Variants in GP6 observed in about 807,000 individuals in gnomAD.
The protein encoded by GP6 is glycoprotein VI platelet, also known as platelet glycoprotein VI.
In GP6, 45 loss-of-function variants were observed where a neutral mutation model predicts 37.3. That is an observed-to-expected ratio of 1.21 (90% CI 0.95 to 1.55). The LOEUF (loss-of-function observed/expected upper bound fraction) is 1.55, where lower values mean the gene tolerates loss of function less well. Among genes scored for constraint, GP6 ranks in the 40% most tolerant of loss-of-function variants. The pLI, the probability that GP6 is intolerant of heterozygous loss-of-function variation, is 0.00. For synonymous variants in GP6, 340 were observed against 316.4 expected, an observed-to-expected ratio of 1.07 and a Z score of -0.79; for missense variants, 813 against 760.2, an observed-to-expected ratio of 1.07 and a Z score of -0.82.
In GP6 at chr19:55,024,291, T is replaced by TGCACGCACACACAC. The variant is rs879694712; in HGVS notation, c.664+926_664+927insGTGTGTGTGCGTGC. ...ATGCACGCATGCACACACACACATATGCACGCATGCACACACATATGCACG... is the reference window on the plus strand; with the variant it reads ...ATGCACGCATGCACACACACACATATGCACGCACACACACGCACGCATGCACACACATATGCACG... On this transcript the variant is annotated intron_variant, in intron 5 of 7. Transcript: ENST00000310373. Among the ~76,000 whole-genome samples, 1,129 of 113,290 alleles carry TGCACGCACACACAC rather than the reference T, an allele frequency of 1.0e-2. 40 individuals carry two copies. The highest frequency in any genetic ancestry group is 0.013 in the African/African-American group (425 of 33,178). 74.3% of individuals were successfully genotyped at this position (113,290 alleles called of 152,430 possible).
intron 5 of GP6, among the ~76,000 whole-genome samples, chr19:55,020,536 C>G (rs1291666727): frequency 6.6e-6 from 1 of 152,136 alleles, no homozygotes; most frequent in Non-Finnish European, 1.5e-5. Context: ...CATGTCCCTG[C>G]AAAGGACATG....
intron 5 of GP6, among the ~76,000 whole-genome samples, chr19:55,020,642 C>G (rs2074044365): frequency 6.6e-6 from 1 of 152,074 alleles, no homozygotes; most frequent in Non-Finnish European, 1.5e-5. Context: ...TGGGTTGATT[C>G]CTTGTCTTTG....
chr19:55,018,823 C>T (rs1452259035), intron 5 of GP6, 112 bp from the exon 6 acceptor site: 1 of 781,642 alleles, frequency 1.3e-6, no homozygotes, highest in Admixed American at 1.9e-5. Context: ...CTCTGACACA[C>T]TGCACAGACA....
At chr19:55,028,987 C>G (rs2074412131) in intron 3 of GP6, among the ~76,000 whole-genome samples, 1 of 149,496 alleles carries the variant, frequency 6.7e-6, no homozygotes, top group Non-Finnish European at 1.5e-5. Flanking sequence ...AGAGTGAGAC[C>G]TTGTCTCAAA....
At chr19:55,035,437 C>T (rs758858671) in intron 1 of GP6, among the ~76,000 whole-genome samples, 9 of 152,106 alleles carry the variant, frequency 5.9e-5, no homozygotes, top group South Asian at 4.2e-4. Context: ...ATGTTCTCAC[C>T]GGCCGGGCGC....
Position 55,025,325 on chromosome 19 carries a change from C to CA in GP6, c.611-55dup. 3 of 1,124,194 alleles carry CA rather than the reference C, an allele frequency of 2.7e-6. No homozygotes were observed. In the South Asian group the frequency reaches 4.0e-5, roughly 15 times the overall value. The allele number at this position is 1,124,194 out of a possible 1,614,324, so 69.6% of individuals were successfully genotyped here. ...GTGCTCTGTCGCTGTGGGTCCTGAA[C>CA]AAATAACGAAACATCTCCGTGACTG... On this transcript the variant is annotated intron_variant, in intron 4 of 7. Transcript: ENST00000310373.
chr19:55,037,104 C>T (rs542641011), intron 1 of GP6, among the ~76,000 whole-genome samples: 144 of 152,294 alleles, frequency 9.5e-4, no homozygotes, highest in African/African-American at 3.1e-3. Context: ...CTCTCATCTC[C>T]AGTAATGCAA....
At position 55,014,973 on chromosome 19, in the gene GP6, C is replaced by G; in HGVS notation, c.972G>C (p.Arg324=). 1 of 1,613,692 alleles carries G rather than the reference C, an allele frequency of 6.2e-7. No individual in the cohort carries two copies. Among genetic ancestry groups the G allele is most frequent in the Admixed American group, 1.7e-5 (1 of 60,008 alleles). ...ATCCTGTCGGCCTCCATCCTGACCCCCGTTTGATTTCCGGGTCAGCGGGAG... is the reference window on the plus strand; with the variant it reads ...ATCCTGTCGGCCTCCATCCTGACCCGCGTTTGATTTCCGGGTCAGCGGGAG... The change falls in exon 8 of 8, where the codon CGG becomes CGC. Residue 324 remains arginine (R), a synonymous_variant. Transcript: ENST00000310373.
Position 55,027,585 on chromosome 19 carries a change from C to CA in GP6, c.602dup (p.Val202GlyfsTer28). 3 of 1,613,160 alleles carry CA rather than the reference C, an allele frequency of 1.9e-6. No individual in the cohort carries two copies. The highest frequency in any genetic ancestry group is 1.3e-5 in the African/African-American group (1 of 75,048). ...GGTCTGCACTACCCCTACCTGTGACCACAAGCTCCAGGGGGTCGCTGGGGG... is the reference window on the plus strand; with the variant it reads ...GGTCTGCACTACCCCTACCTGTGACCAACAAGCTCCAGGGGGTCGCTGGGGG... On this transcript the variant is annotated frameshift_variant, in exon 4 of 8. Transcript: ENST00000310373. LOFTEE classifies it high-confidence loss of function.
intron 5 of GP6, among the ~76,000 whole-genome samples, chr19:55,019,716 C>T (rs1471068833): frequency 4.7e-4 from 62 of 131,944 alleles, no homozygotes; most frequent in African/African-American, 1.6e-3. Flanking sequence ...CTTACTCTGT[C>T]GTCCAGGCTG....
chr19:55,026,417 G>C (rs2074303840), intron 4 of GP6, among the ~76,000 whole-genome samples: 2 of 146,536 alleles, frequency 1.4e-5, no homozygotes, highest in Admixed American at 1.4e-4. Flanking sequence ...TACCTCCTTT[G>C]ACTAGAATCA....
chr19:55,019,432 T>C (rs1323556980), intron 5 of GP6, among the ~76,000 whole-genome samples: 1 of 152,188 alleles, frequency 6.6e-6, no homozygotes, highest in East Asian at 1.9e-4. Flanking sequence ...TGCACCATTT[T>C]ATATTCCCAC....
intron 3 of GP6, among the ~76,000 whole-genome samples, chr19:55,030,351 T>TC (rs201375833): frequency 8.8e-5 from 10 of 113,358 alleles, no homozygotes; most frequent in African/African-American, 3.3e-4. Flanking sequence ...CCTCTTCTCT[T>TC]TTTTTTTTTT....
intron 5 of GP6, among the ~76,000 whole-genome samples, chr19:55,024,518 G>T (rs972885310): frequency 6.6e-6 from 1 of 152,172 alleles, no homozygotes; most frequent in Non-Finnish European, 1.5e-5. Context: ...GAGACACAGG[G>T]AATGTTAGAC....
intron 5 of GP6, among the ~76,000 whole-genome samples, chr19:55,024,327 T>TGCACGCACACACA (rs1568613211): frequency 3.3e-5 from 1 of 30,218 alleles, no homozygotes; most frequent in Non-Finnish European, 1.0e-4. Context: ...CACACACACA[T>TGCACGCACACACA]ATGCACGCAC....
intron 3 of GP6, among the ~76,000 whole-genome samples, chr19:55,031,313 G>C (rs1228828966): frequency 6.6e-6 from 1 of 152,200 alleles, no homozygotes; most frequent in African/African-American, 2.4e-5. Context: ...GCCCGTGACC[G>C]TAGTCCCTGC....
At chr19:55,022,838 C>T (rs953674726) in intron 5 of GP6, among the ~76,000 whole-genome samples, 1 of 152,158 alleles carries the variant, frequency 6.6e-6, no homozygotes, top group African/African-American at 2.4e-5. Context: ...AACTACAATT[C>T]ACTGCTCAAG....
intron 3 of GP6, among the ~76,000 whole-genome samples, chr19:55,030,665 T>A (rs11084383): frequency 0.58 from 85,759 of 148,156 alleles, 25,115 homozygotes; most frequent in Middle Eastern, 0.76. Context: ...TTAAAAAAAA[T>A]AAATAAATAA....
intron 7 of GP6, 134 bp from the exon 8 acceptor site, chr19:55,015,299 C>T (rs2073831550): frequency 1.4e-6 from 2 of 1,409,094 alleles, no homozygotes; most frequent in Middle Eastern, 2.4e-4. Context: ...CCTGGAGGGT[C>T]CCTCCCTTCC....
Sources: gnomAD v4.1 joint callset for allele counts (sites outside exome capture counted in the v4.1 genomes callset) on GRCh38, gnomAD v4.1.1 for gene constraint, MANE v1.5 for transcripts, NCBI Gene and HGNC (gene_info 2026-07-23, HGNC 2026-07-21) for gene names.